Variants in ZNF175 observed in about 807,000 individuals in gnomAD.
ZNF175 encodes the protein zinc finger protein OTK18.
A neutral mutation model predicts 14.0 loss-of-function variants in ZNF175; 8 were observed. The ratio of observed to expected loss-of-function variants is 0.57; its 90% confidence interval spans 0.34 to 1.03. The LOEUF (loss-of-function observed/expected upper bound fraction) is 1.03, where lower values mean the gene tolerates loss of function less well. Ranked by LOEUF, ZNF175 falls within the 50% of genes least tolerant of loss-of-function variation. ZNF175 has a pLI of 0.03. For synonymous variants in ZNF175, 255 were observed against 296.8 expected, an observed-to-expected ratio of 0.86 and a Z score of 1.45; for missense variants, 764 against 849.5, an observed-to-expected ratio of 0.90 and a Z score of 1.25.
At position 51,581,466 on chromosome 19, in the gene ZNF175, T is replaced by C. The variant is rs763538756; in HGVS notation, c.148T>C (p.Cys50Arg). The C allele has an allele frequency of 8.1e-6, 13 of 1,614,150 alleles. No homozygotes were observed. The highest frequency in any genetic ancestry group is 1.1e-5 in the Non-Finnish European group (13 of 1,180,022). Reference sequence around the variant, plus strand: ...GCAGCAACTGGACCCTGCCCAGAGATGCCTGTACCGGGATGTGATGCTGGA... The same window carrying C: ...GCAGCAACTGGACCCTGCCCAGAGACGCCTGTACCGGGATGTGATGCTGGA... Reference protein sequence around the residue: ...EWQQLDPAQRCLYRDVMLELY... With the variant: ...EWQQLDPAQRRLYRDVMLELY... Residue 50 changes from cysteine to arginine, a missense_variant, in exon 3 of 5, where the codon TGC (cysteine) becomes CGC (arginine). Physicochemically the swap from Cys to Arg is radical, Grantham distance 180. Transcript: ENST00000262259.
rs748365222 is a variant in ZNF175 at position 51,587,727 on chromosome 19, CAAAG to C, written c.1399_1402del (p.Arg467AlafsTer51). On this transcript the variant is annotated frameshift_variant, in exon 5 of 5. Transcript: ENST00000262259. LOFTEE classifies it low-confidence loss of function (END_TRUNC). The stretch of plus-strand genomic sequence containing the variant: ...CCAGAAGGCACACCTGATTGTCCAT[CAAAG>C]AAGCCACACAGGAGAAAAACCTTAT... 1.4e-4 allele frequency: 224 copies of C among 1,614,018 alleles called. No individual in the cohort carries two copies. Among genetic ancestry groups the C allele is most frequent in the Non-Finnish European group, 1.8e-4 (207 of 1,180,034 alleles).
intron 4 of ZNF175, among the ~76,000 whole-genome samples, chr19:51,582,740 T>G (rs907372273): frequency 3.3e-5 from 5 of 152,220 alleles, no homozygotes; most frequent in Non-Finnish European, 7.3e-5. Flanking sequence ...TCTGCCTTTT[T>G]TTTCCAGTTT....
In ZNF175 at chr19:51,588,597, C is replaced by T. The variant is rs1446426271; in HGVS notation, c.*130C>T. 5.9e-6 allele frequency: 6 copies of T among 1,025,360 alleles called. No individual in the cohort carries two copies. The highest frequency in any genetic ancestry group is 8.1e-6 in the Non-Finnish European group (6 of 738,724). 63.5% of individuals were successfully genotyped at this position (1,025,360 alleles called of 1,614,324 possible). A position where few individuals can be genotyped will look rare whatever the true frequency, so the allele number is the denominator to read the frequency against. On this transcript the variant is annotated 3_prime_UTR_variant, in exon 5 of 5. Coordinates refer to ENST00000262259, the MANE Select transcript of ZNF175 (RefSeq NM_007147.4). ...GCTTCAGAAAAACTCTAGGGATGCA[C>T]TGCATGTGTGAACACATGATAAAAA...
rs545826912 is a variant in ZNF175, at chr19:51,576,236, T to G, written c.72+2835T>G. On this transcript the variant is annotated intron_variant, in intron 2 of 4. Coordinates refer to ENST00000262259, the MANE Select transcript of ZNF175 (RefSeq NM_007147.4). ...CGCGATCTTGGCTCACTGCAACCTCTCCTCCTGGGTTCAAGCCATTCTCCT... is the reference window on the plus strand; with the variant it reads ...CGCGATCTTGGCTCACTGCAACCTCGCCTCCTGGGTTCAAGCCATTCTCCT... 2.6e-3 allele frequency among the ~76,000 whole-genome samples: 397 copies of G among 150,042 alleles called. 16 individuals carry two copies. The East Asian group carries it at 0.047, about 18-fold the overall frequency.
chr19:51,575,878 G>C lies in ZNF175; in HGVS notation c.72+2477G>C, dbSNP rs540580101. ...TCCTTGCCCATCCTTCTCTAGAACT[G>C]GTTCAGATTCTGATCAGGTCAATCT... On this transcript the variant is annotated intron_variant, in intron 2 of 4. Coordinates refer to ENST00000262259, the MANE Select transcript of ZNF175 (RefSeq NM_007147.4). Among the ~76,000 whole-genome samples the C allele has an allele frequency of 7.9e-5, 12 of 152,214 alleles. No individual in the cohort carries two copies. In the South Asian group the frequency reaches 2.5e-3, roughly 32 times the overall value.
rs56937816 is a variant in ZNF175 at position 51,571,971 on chromosome 19, A to C, written c.-181+496A>C. 2.6e-3 allele frequency among the ~76,000 whole-genome samples: 399 copies of C among 152,254 alleles called. 16 individuals are homozygous for C. In the East Asian group the frequency reaches 0.046, roughly 17 times the overall value. ...CAATGATGGGGATTTGTGAGGGTGA[A>C]TGCATTGCTTTCTAGGCAGTGAGTG... On this transcript the variant is annotated intron_variant, in intron 1 of 4. Transcript: ENST00000262259.
At chr19:51,577,476 T>A (rs112900078) in intron 2 of ZNF175, among the ~76,000 whole-genome samples, 5 of 143,818 alleles carry the variant, frequency 3.5e-5, no homozygotes, top group Admixed American at 6.9e-5. Flanking sequence ...CCTTAAAAAA[T>A]TTTTAAGAGC....
At position 51,586,647 on chromosome 19, in the gene ZNF175, A is replaced by AT. The variant is rs1982171380; in HGVS notation, c.317dup (p.Gln108ThrfsTer6). 2 of 1,592,122 alleles carry AT rather than the reference A, an allele frequency of 1.3e-6. No individual in the cohort carries two copies. Among genetic ancestry groups the AT allele is most frequent in the African/African-American group, 2.7e-5 (2 of 73,594 alleles). On this transcript the variant is annotated frameshift_variant, in exon 5 of 5. Coordinates refer to ENST00000262259, the MANE Select transcript of ZNF175 (RefSeq NM_007147.4). LOFTEE classifies it low-confidence loss of function (END_TRUNC). ...TTTAGAAAGGGAGTTTGGGCTTGAAATCCCACAAAAGGAGATTTCTAAGAA... is the reference window on the plus strand; with the variant it reads ...TTTAGAAAGGGAGTTTGGGCTTGAAATTCCCACAAAAGGAGATTTCTAAGAA...
chr19:51,581,618 C>G, intron 3 of ZNF175, 101 bp downstream of exon 3: 1 of 1,538,420 alleles, frequency 6.5e-7, no homozygotes, highest in Admixed American at 2.0e-5. Flanking sequence ...TGTCATGACT[C>G]TTTTATCGGT....
At chr19:51,577,777 C>T (rs1981847970) in intron 2 of ZNF175, among the ~76,000 whole-genome samples, 1 of 150,930 alleles carries the variant, frequency 6.6e-6, no homozygotes, top group Non-Finnish European at 1.5e-5. Context: ...CATTCTCCTG[C>T]TTCAGCCTCC....
chr19:51,589,390 A>C lies in ZNF175; in HGVS notation c.*923A>C. The C allele has an allele frequency of 1.7e-6, 1 of 582,200 alleles. No homozygotes were observed. The highest frequency in any genetic ancestry group is 3.0e-6 in the Non-Finnish European group (1 of 329,760). The allele number at this position is 582,200 out of a possible 1,614,324, so 36.1% of individuals were successfully genotyped here. ...AGAATCTAATCTAATTGTTTTTATA[A>C]AAATTATTCCCTATTGAATATTTAT... On this transcript the variant is annotated 3_prime_UTR_variant, in exon 5 of 5. Coordinates refer to ENST00000262259, the MANE Select transcript of ZNF175 (RefSeq NM_007147.4).
Position 51,587,511 on chromosome 19 carries a change from A to G in ZNF175, c.1180A>G (p.Ser394Gly), listed in dbSNP as rs1370764332. ...CAGTAGAGAAAAACTCTATGAATGCAGTGAATGTGGCAAAGGCTTCTCCCA... is the reference window on the plus strand; with the variant it reads ...CAGTAGAGAAAAACTCTATGAATGCGGTGAATGTGGCAAAGGCTTCTCCCA... ...THSREKLYEC[S>G]ECGKGFSQNS... Residue 394 changes from serine to glycine, a missense_variant, in exon 5 of 5, where the codon AGT (serine) becomes GGT (glycine). Coordinates refer to ENST00000262259, the MANE Select transcript of ZNF175 (RefSeq NM_007147.4). 6.2e-7 allele frequency: 1 copy of G among 1,614,226 alleles called. No homozygotes were observed.
In ZNF175 at chr19:51,587,388, C is replaced by T. The variant is rs1982203057; in HGVS notation, c.1057C>T (p.His353Tyr). ...VFIQRSELLT[H>Y]QKTHTRKKPY... ...TATTCAGAGATCAGAATTGCTTACGCACCAGAAAACACACACTAGAAAGAA... is the reference window on the plus strand; with the variant it reads ...TATTCAGAGATCAGAATTGCTTACGTACCAGAAAACACACACTAGAAAGAA... Residue 353 changes from histidine to tyrosine, a missense_variant, in exon 5 of 5, where the codon CAC (histidine) becomes TAC (tyrosine). Transcript: ENST00000262259. 1 of 1,614,044 alleles carries T rather than the reference C, an allele frequency of 6.2e-7. No individual in the cohort carries two copies. Among genetic ancestry groups the T allele is most frequent in the Non-Finnish European group, 8.5e-7 (1 of 1,180,000 alleles).
Position 51,573,283 on chromosome 19 carries a change from G to C in ZNF175, c.-47G>C, listed in dbSNP as rs572382709. 2.5e-6 allele frequency: 4 copies of C among 1,599,158 alleles called. No individual in the cohort carries two copies. Among genetic ancestry groups the C allele is most frequent in the Non-Finnish European group, 3.4e-6 (4 of 1,168,888 alleles). On this transcript the variant is annotated 5_prime_UTR_variant, in exon 2 of 5. Coordinates refer to ENST00000262259, the MANE Select transcript of ZNF175 (RefSeq NM_007147.4). ...ATCCAGCTTCTGGCTCCTGGGAAAAGTGGAGTTGTCAGCAAGAGAGACCGA... is the reference window on the plus strand; with the variant it reads ...ATCCAGCTTCTGGCTCCTGGGAAAACTGGAGTTGTCAGCAAGAGAGACCGA...
rs775622852 is a variant in ZNF175 at position 51,587,716 on chromosome 19, T to C, written c.1385T>C (p.Leu462Pro). 6.2e-7 allele frequency: 1 copy of C among 1,614,142 alleles called. No individual in the cohort carries two copies. The highest frequency in any genetic ancestry group is 8.5e-7 in the Non-Finnish European group (1 of 1,180,014). Reference protein sequence around the residue: ...CGQAFIQKAHLIVHQRSHTGE... With the variant: ...CGQAFIQKAHPIVHQRSHTGE... ...CAGGCCTTCATCCAGAAGGCACACCTGATTGTCCATCAAAGAAGCCACACA... is the reference window on the plus strand; with the variant it reads ...CAGGCCTTCATCCAGAAGGCACACCCGATTGTCCATCAAAGAAGCCACACA... The change falls in exon 5 of 5, where the codon CTG becomes CCG. Residue 462 changes from leucine to proline, a missense_variant. Coordinates refer to ENST00000262259, the MANE Select transcript of ZNF175 (RefSeq NM_007147.4).
intron 4 of ZNF175, among the ~76,000 whole-genome samples, chr19:51,582,129 T>C (rs532144849): frequency 3.1e-4 from 47 of 152,240 alleles, no homozygotes; most frequent in Non-Finnish European, 6.5e-4. Context: ...TATACTTGAC[T>C]AAATCAACCA....
chr19:51,580,621 C>T (rs1488838117), intron 2 of ZNF175, among the ~76,000 whole-genome samples: 1 of 152,058 alleles, frequency 6.6e-6, no homozygotes, highest in South Asian at 2.1e-4. Flanking sequence ...AATGGCAGTC[C>T]GTTCATTAAA....
In ZNF175 at chr19:51,573,362, T is replaced by A; in HGVS notation, c.33T>A (p.Pro11=). Residue 11 remains proline, a synonymous_variant, in exon 2 of 5, where the codon CCT becomes CCA. Transcript: ENST00000262259. ...CTGATGTGAATTTATCCCAGAAGCCTCAGGTCCTGGGTCCAGAGAAGCAGG... is the reference window on the plus strand; with the variant it reads ...CTGATGTGAATTTATCCCAGAAGCCACAGGTCCTGGGTCCAGAGAAGCAGG... The part of the protein sequence containing the change: MPADVNLSQK[P]QVLGPEKQDG... 6.2e-7 allele frequency: 1 copy of A among 1,612,334 alleles called. No individual in the cohort carries two copies. The highest frequency in any genetic ancestry group is 8.5e-7 in the Non-Finnish European group (1 of 1,179,342).
At position 51,587,533 on chromosome 19, in the gene ZNF175, C is replaced by T; in HGVS notation, c.1202C>T (p.Ser401Phe). The change falls in exon 5 of 5, where the codon TCC (serine) becomes TTC (phenylalanine). Residue 401 changes from serine to phenylalanine, a missense_variant. Coordinates refer to ENST00000262259, the MANE Select transcript of ZNF175 (RefSeq NM_007147.4). ...YECSECGKGF[S>F]QNSTLIIHQK... is the part of the protein sequence containing the mutation. ...TGCAGTGAATGTGGCAAAGGCTTCT[C>T]CCAAAACTCAACCCTCATTATACAT... 3 of 1,614,132 alleles carry T rather than the reference C, an allele frequency of 1.9e-6. No homozygotes were observed. Among genetic ancestry groups the T allele is most frequent in the Admixed American group, 1.7e-5 (1 of 60,014 alleles).
Sources: gnomAD v4.1 joint callset for allele counts (sites outside exome capture counted in the v4.1 genomes callset) on GRCh38, gnomAD v4.1.1 for gene constraint, MANE v1.5 for transcripts, NCBI Gene and HGNC (gene_info 2026-07-23, HGNC 2026-07-21) for gene names.